The following MAP3K2 variants were observed in gnomAD, a reference collection of about 807,000 sequenced individuals.
The protein encoded by MAP3K2 is mitogen-activated protein kinase kinase kinase 2.
In MAP3K2, 24 loss-of-function variants were observed where a neutral mutation model predicts 80.3. The observed-to-expected ratio is 0.30, with a 90% CI of 0.22 to 0.42. MAP3K2 has a LOEUF of 0.42. MAP3K2 is among the 10% of genes least tolerant of loss of function. The pLI is 1.00. For missense variants in MAP3K2, 608 were observed against 750.1 expected, an observed-to-expected ratio of 0.81 and a Z score of 2.21; for synonymous variants, 244 against 253.7, an observed-to-expected ratio of 0.96 and a Z score of 0.36.
At chr2:127,313,626 T>A (rs1361489599) in intron 15 of MAP3K2, among the ~76,000 whole-genome samples, 1 of 152,200 alleles carries the variant, frequency 6.6e-6, no homozygotes, top group Non-Finnish European at 1.5e-5. Context: ...TACAAACGTG[T>A]ACACATACAC....
intron 1 of MAP3K2, among the ~76,000 whole-genome samples, chr2:127,365,078 T>C (rs1245516795): frequency 4.7e-5 from 5 of 105,424 alleles, no homozygotes; most frequent in Non-Finnish European, 8.8e-5. Context: ...GATCGTGCCA[T>C]TGCACTCCAG....
At chr2:127,383,023 T>C (rs1687277109) in intron 1 of MAP3K2, among the ~76,000 whole-genome samples, 4 of 152,202 alleles carry the variant, frequency 2.6e-5, no homozygotes, top group Admixed American at 2.6e-4. Flanking sequence ...TGAGGTCTCA[T>C]GACATAAGGC....
At chr2:127,381,587 G>A (rs561833744) in intron 1 of MAP3K2, among the ~76,000 whole-genome samples, 7 of 152,274 alleles carry the variant, frequency 4.6e-5, no homozygotes, top group Non-Finnish European at 8.8e-5. Flanking sequence ...ACAAGGATCA[G>A]CAAAAGATAC....
intron 15 of MAP3K2, among the ~76,000 whole-genome samples, chr2:127,309,748 T>C (rs938055741): frequency 2.0e-5 from 3 of 152,166 alleles, no homozygotes; most frequent in Admixed American, 6.5e-5. Context: ...CATGTTCTCA[T>C]AACGGGGGTT....
intron 1 of MAP3K2, among the ~76,000 whole-genome samples, chr2:127,372,384 G>A (rs1046309979): frequency 5.3e-5 from 8 of 152,142 alleles, no homozygotes; most frequent in African/African-American, 1.9e-4. Flanking sequence ...ACTAACCAGA[G>A]ACCCATGATC....
At chr2:127,350,437 T>C (rs2104858648) in intron 1 of MAP3K2, among the ~76,000 whole-genome samples, 1 of 76,122 alleles carries the variant, frequency 1.3e-5, no homozygotes, top group South Asian at 3.1e-4. Context: ...TCCCATCTCC[T>C]GAAACAAAAA....
intron 1 of MAP3K2, among the ~76,000 whole-genome samples, chr2:127,374,010 C>G (rs889230910): frequency 6.6e-6 from 1 of 152,148 alleles, no homozygotes; most frequent in African/African-American, 2.4e-5. Flanking sequence ...TAAAATAGTT[C>G]AATCCCCCAT....
intron 1 of MAP3K2, among the ~76,000 whole-genome samples, chr2:127,361,872 G>A (rs1686899993): frequency 6.6e-6 from 1 of 152,178 alleles, no homozygotes; most frequent in Admixed American, 6.5e-5. Context: ...CCATGTCCTT[G>A]TTTATGAAAT....
In MAP3K2 at chr2:127,306,098, A is replaced by G. The variant is rs1429787752; in HGVS notation, c.*1481T>C. 1 of 152,088 alleles carries G rather than the reference A, an allele frequency of 6.6e-6. No individual in the cohort carries two copies. The highest frequency in any genetic ancestry group is 1.5e-5 in the Non-Finnish European group (1 of 67,982). The allele number at this position is 152,088 out of a possible 1,614,324, so 9.4% of individuals were successfully genotyped here. ...AGTGATTGCTATTTGCTGTTTGTTGAGATTATTCACCCTTGACTTAAAGCA... is the reference window on the plus strand; with the variant it reads ...AGTGATTGCTATTTGCTGTTTGTTGGGATTATTCACCCTTGACTTAAAGCA... On this transcript the variant is annotated 3_prime_UTR_variant, in exon 17 of 17. Transcript: ENST00000682094. The surrounding 1 kb of genome is among the most constrained non-coding windows in gnomAD (Gnocchi z 4.7).
chr2:127,323,849 T>A, intron 11 of MAP3K2, 53 bp downstream of exon 11: 1 of 852,630 alleles, frequency 1.2e-6, no homozygotes, highest in Non-Finnish European at 1.8e-6. Context: ...TGTATTTATT[T>A]TTGTTGTTGA....
intron 1 of MAP3K2, among the ~76,000 whole-genome samples, chr2:127,344,149 T>C (rs1686552155): frequency 6.6e-6 from 1 of 152,118 alleles, no homozygotes; most frequent in Non-Finnish European, 1.5e-5. Context: ...ACACTATGAA[T>C]GGAAAATTCC....
intron 1 of MAP3K2, among the ~76,000 whole-genome samples, chr2:127,353,863 T>G (rs867636768): frequency 5.9e-5 from 9 of 152,000 alleles, no homozygotes; most frequent in African/African-American, 2.2e-4. Flanking sequence ...TAGAAAGAAG[T>G]AGACATGGGA....
chr2:127,382,354 T>C (rs1351346349), intron 1 of MAP3K2, among the ~76,000 whole-genome samples: 1 of 152,186 alleles, frequency 6.6e-6, no homozygotes, highest in Non-Finnish European at 1.5e-5. Flanking sequence ...TATATCTCAT[T>C]TTATTGAGCT....
chr2:127,357,421 G>A (rs1161663535), intron 1 of MAP3K2, among the ~76,000 whole-genome samples: 2 of 152,194 alleles, frequency 1.3e-5, no homozygotes, highest in East Asian at 1.9e-4. Flanking sequence ...CCAGGAGTTC[G>A]AGGCTGCAGT....
chr2:127,334,167 T>C (rs1231550521), intron 5 of MAP3K2, among the ~76,000 whole-genome samples: 1 of 151,692 alleles, frequency 6.6e-6, no homozygotes, highest in East Asian at 1.9e-4. Context: ...AGAAAAAAAT[T>C]ACATAGCAAA....
rs139420145 is a variant in MAP3K2 at position 127,368,340 on chromosome 2, C to T, written c.-66+19112G>A. On this transcript the variant is annotated intron_variant, in intron 1 of 16. Transcript: ENST00000682094. ...CTGTCTCAAAAAAATAAAAATAAGG[C>T]GGTCGGGCATGGTGGCTCACACCTG... Among the ~76,000 whole-genome samples, 383 of 147,616 alleles carry T rather than the reference C, an allele frequency of 2.6e-3. 1 individual carries two copies. The highest frequency in any genetic ancestry group is 0.011 in the Middle Eastern group (3 of 266).
At chr2:127,308,849 T>G in intron 15 of MAP3K2, 87 bp from the exon 16 acceptor site, 1 of 1,363,682 alleles carries the variant, frequency 7.3e-7, no homozygotes, top group South Asian at 1.4e-5. Flanking sequence ...AATTACTTCA[T>G]AGACTCTTTG....
Position 127,371,902 on chromosome 2 carries a change from G to A in MAP3K2, c.-66+15550C>T, listed in dbSNP as rs577707920. On this transcript the variant is annotated intron_variant, in intron 1 of 16. Coordinates refer to ENST00000682094, the MANE Select transcript of MAP3K2 (RefSeq NM_001371910.2). ...ACGACAACTCCGTAAGTAACCAGGC[G>A]GGAAACTTCATGAGGGGCTGACCCC... 3.3e-3 allele frequency among the ~76,000 whole-genome samples: 506 copies of A among 152,270 alleles called. 8 individuals are homozygous for A. In the South Asian group the frequency reaches 0.041, roughly 12 times the overall value.
At chr2:127,318,020 T>C (rs926656284) in intron 13 of MAP3K2, 149 bp downstream of exon 13, 5 of 727,292 alleles carry the variant, frequency 6.9e-6, no homozygotes, top group Admixed American at 3.7e-5. Flanking sequence ...TAATCTGTTT[T>C]ACAAATAATT....
Sources: allele counts gnomAD v4.1 joint callset (sites outside exome capture counted in the v4.1 genomes callset), GRCh38; gene constraint gnomAD v4.1.1; non-coding constraint Gnocchi (gnomAD v3.1); transcripts MANE v1.5; gene names NCBI Gene and HGNC (gene_info 2026-07-23, HGNC 2026-07-21).